SUGCT: variants seen among roughly 807,000 people sequenced by gnomAD.
SUGCT encodes the protein succinyl-CoA:glutarate-CoA transferase, also known as succinyl-CoA:glutarate CoA-transferase.
In SUGCT, 41 loss-of-function variants were observed where a neutral mutation model predicts 55.0. The observed-to-expected ratio is 0.74, with a 90% CI of 0.58 to 0.97. The LOEUF is 0.97. Ranked by LOEUF, SUGCT falls within the 50% of genes least tolerant of loss-of-function variation. The pLI is 0.00. For synonymous variants in SUGCT, 187 were observed against 200.4 expected (o/e 0.93, Z 0.56); for missense variants, 568 against 547.8 (o/e 1.04, Z -0.37).
At chr7:40,592,138 C>T (rs1184221948) in intron 12 of SUGCT, among the ~76,000 whole-genome samples, 1 of 152,082 alleles carries the variant, frequency 6.6e-6, no homozygotes, top group Non-Finnish European at 1.5e-5. Context: ...TATTAAACAA[C>T]AGGTTTAAAT....
Position 40,676,497 on chromosome 7 carries a change from G to GTTTTTT in SUGCT, c.1090-72936_1090-72931dup, listed in dbSNP as rs1280564538. The stretch of plus-strand genomic sequence containing the variant: ...AAGGAGAAAAATCCCTTGCGGTTTT[G>GTTTTTT]TTTTTTGTTTTTTTTTTTTTTTTGA... On this transcript the variant is annotated intron_variant, in intron 12 of 13. Coordinates refer to ENST00000335693, the MANE Select transcript of SUGCT (RefSeq NM_001193313.2). Among the ~76,000 whole-genome samples the GTTTTTT allele has an allele frequency of 1.3e-3, 160 of 127,496 alleles. 4 individuals carry two copies. The highest frequency in any genetic ancestry group is 4.1e-3 in the Middle Eastern group (1 of 242). 83.6% of individuals were successfully genotyped at this position (127,496 alleles called of 152,430 possible). A position where few individuals can be genotyped will look rare whatever the true frequency, so the allele number is the denominator to read the frequency against.
chr7:40,336,815 C>T (rs558757828), intron 9 of SUGCT, among the ~76,000 whole-genome samples: 9 of 151,934 alleles, frequency 5.9e-5, no homozygotes, highest in African/African-American at 1.4e-4. Flanking sequence ...TGCTCTTGCT[C>T]CTCTAGTTCT....
intron 12 of SUGCT, among the ~76,000 whole-genome samples, chr7:40,519,428 A>G (rs1415949351): frequency 1.3e-5 from 2 of 151,812 alleles, no homozygotes; most frequent in East Asian, 3.9e-4. Flanking sequence ...GTACATAGGA[A>G]CCCTTTGTAG....
At position 40,341,152 on chromosome 7, in the gene SUGCT, C is replaced by T. The variant is rs1215211668; in HGVS notation, c.816+24297C>T. On this transcript the variant is annotated intron_variant, in intron 9 of 13. Coordinates refer to ENST00000335693, the MANE Select transcript of SUGCT (RefSeq NM_001193313.2). The stretch of plus-strand genomic sequence containing the variant: ...AATGAAACCTACTGAGGAGACCCTA[C>T]AATCTATTGACTGTTGAATCTCATT... Among the ~76,000 whole-genome samples, 2 of 152,266 alleles carry T rather than the reference C, an allele frequency of 1.3e-5. 1 individual carries two copies. The highest frequency in any genetic ancestry group is 1.3e-4 in the Admixed American group (2 of 15,292).
At chr7:40,844,882 G>GAAT (rs1442467374) in intron 13 of SUGCT, among the ~76,000 whole-genome samples, 1 of 152,266 alleles carries the variant, frequency 6.6e-6, no homozygotes, top group African/African-American at 2.4e-5. Context: ...ATTTGCTGAT[G>GAAT]GATTGGATAT....
chr7:40,997,672 C>T, the SUGCT span, among the ~76,000 whole-genome samples: 76 of 152,320 alleles, frequency 5.0e-4, no homozygotes, highest in African/African-American at 1.8e-3. Context: ...TATCTTCTTA[C>T]TCTGCTCATA....
the SUGCT span, among the ~76,000 whole-genome samples, chr7:40,927,727 C>A: frequency 6.6e-6 from 1 of 152,162 alleles, no homozygotes; most frequent in Non-Finnish European, 1.5e-5. Context: ...TCCACTGACC[C>A]TTTTGGAGCC....
At chr7:40,295,580 A>G (rs943521354) in intron 8 of SUGCT, among the ~76,000 whole-genome samples, 1 of 127,260 alleles carries the variant, frequency 7.9e-6, no homozygotes, top group Admixed American at 7.8e-5. Flanking sequence ...TGTCTCCAAA[A>G]ATAAACAAAC....
intron 12 of SUGCT, among the ~76,000 whole-genome samples, chr7:40,729,111 A>G (rs527763863): frequency 1.1e-4 from 17 of 152,324 alleles, no homozygotes; most frequent in African/African-American, 4.1e-4. Context: ...TCCAAAATGA[A>G]ATTCATTAAT....
chr7:40,378,992 G>T (rs1393439), intron 9 of SUGCT, among the ~76,000 whole-genome samples: 144,138 of 152,194 alleles, frequency 0.95, 68,735 homozygotes, highest in East Asian at 1. Flanking sequence ...GTGGAAGTTA[G>T]CCTGGATTAT....
the SUGCT span, among the ~76,000 whole-genome samples, chr7:40,980,849 A>G: frequency 6.6e-6 from 1 of 152,056 alleles, no homozygotes; most frequent in African/African-American, 2.4e-5. Flanking sequence ...GGCACACACC[A>G]CCAAGCCAGG....
intron 12 of SUGCT, among the ~76,000 whole-genome samples, chr7:40,639,675 A>ATTT (rs370490950): frequency 1.9e-4 from 27 of 140,292 alleles, no homozygotes; most frequent in Middle Eastern, 3.7e-3. Flanking sequence ...ATGCCGTCTA[A>ATTT]TTTTTTTTTT....
intron 9 of SUGCT, among the ~76,000 whole-genome samples, chr7:40,385,651 G>A (rs1401653344): frequency 6.6e-6 from 1 of 152,190 alleles, no homozygotes; most frequent in African/African-American, 2.4e-5. Flanking sequence ...TAGAAAGGAA[G>A]TATAAAGATT....
At chr7:40,564,966 A>T (rs1203165290) in intron 12 of SUGCT, among the ~76,000 whole-genome samples, 1 of 152,226 alleles carries the variant, frequency 6.6e-6, no homozygotes, top group Non-Finnish European at 1.5e-5. Context: ...GTAGCTCAAG[A>T]TCCAATTTCC....
intron 13 of SUGCT, among the ~76,000 whole-genome samples, chr7:40,767,423 C>T (rs1788862906): frequency 6.6e-6 from 1 of 152,130 alleles, no homozygotes; most frequent in Non-Finnish European, 1.5e-5. Context: ...TGCTATTGGT[C>T]CAAAGGGTCT....
chr7:40,511,142 G>A (rs888636818), intron 12 of SUGCT, among the ~76,000 whole-genome samples: 1 of 152,082 alleles, frequency 6.6e-6, no homozygotes, highest in African/African-American at 2.4e-5. Context: ...CCTTACTGTG[G>A]AAGAATCTTA....
chr7:40,245,659 C>T (rs908071066), intron 7 of SUGCT, among the ~76,000 whole-genome samples: 15 of 149,854 alleles, frequency 1.0e-4, no homozygotes, highest in Admixed American at 8.1e-4. Flanking sequence ...CAGATGGTCT[C>T]GATCTCCTGA....
chr7:40,318,268 C>G (rs904982401), intron 9 of SUGCT, among the ~76,000 whole-genome samples: 2 of 152,198 alleles, frequency 1.3e-5, no homozygotes, highest in Non-Finnish European at 2.9e-5. Flanking sequence ...TTCATCAACT[C>G]TACCCCTATC....
At chr7:40,158,847 A>G (rs1438526595) in intron 1 of SUGCT, among the ~76,000 whole-genome samples, 1 of 152,230 alleles carries the variant, frequency 6.6e-6, no homozygotes, top group Non-Finnish European at 1.5e-5. Context: ...TGTTAAAATG[A>G]TGGATACATT....
Sources: gnomAD v4.1 joint callset for allele counts (sites outside exome capture counted in the v4.1 genomes callset) on GRCh38, gnomAD v4.1.1 for gene constraint, MANE v1.5 for transcripts, NCBI Gene and HGNC (gene_info 2026-07-23, HGNC 2026-07-21) for gene names.